The following TSPAN15 variants were observed in gnomAD, a reference collection of about 807,000 sequenced individuals.
TSPAN15 encodes the protein tetraspanin 15.
TSPAN15 carries 20 observed loss-of-function variants against 34.5 expected under a neutral mutation model. The observed-to-expected ratio is 0.58, with a 90% CI of 0.41 to 0.84. The LOEUF (loss-of-function observed/expected upper bound fraction) is 0.84, where lower values mean the gene tolerates loss of function less well. Ranked by LOEUF, TSPAN15 falls within the 40% of genes least tolerant of loss-of-function variation. The pLI, the probability that TSPAN15 is intolerant of heterozygous loss-of-function variation, is 0.00. For missense variants in TSPAN15, 313 were observed against 386.1 expected, an observed-to-expected ratio of 0.81 and a Z score of 1.59; for synonymous variants, 155 against 153.9, an observed-to-expected ratio of 1.01 and a Z score of -0.05.
chr10:69,494,073 G>A (rs1589648119), intron 3 of TSPAN15, among the ~76,000 whole-genome samples: 1 of 152,194 alleles, frequency 6.6e-6, no homozygotes, highest in Non-Finnish European at 1.5e-5. Context: ...GTGTCAGGCT[G>A]GGAGTTTGAC....
At chr10:69,486,793 C>A (rs1334348994) in intron 3 of TSPAN15, among the ~76,000 whole-genome samples, 1 of 152,234 alleles carries the variant, frequency 6.6e-6, no homozygotes, top group African/African-American at 2.4e-5. Flanking sequence ...TGGGACCTAA[C>A]CACAGGCAAG....
the TSPAN15 span, among the ~76,000 whole-genome samples, chr10:69,543,710 C>T: frequency 1.3e-5 from 2 of 151,880 alleles, no homozygotes; most frequent in African/African-American, 4.8e-5. Flanking sequence ...GGCGGTGGTC[C>T]GGAATGGATG....
chr10:69,485,008 G>C (rs1383403107), intron 2 of TSPAN15, 133 bp from the exon 3 acceptor site: 1 of 823,982 alleles, frequency 1.2e-6, no homozygotes, highest in African/African-American at 1.7e-5. Flanking sequence ...GGGGGCAGAG[G>C]CCTAGGAGCT....
chr10:69,461,743 T>TC (rs1841262648), intron 1 of TSPAN15, among the ~76,000 whole-genome samples: 1 of 139,314 alleles, frequency 7.2e-6, no homozygotes, highest in Admixed American at 7.3e-5. Context: ...ATTGGGACCA[T>TC]CCCCTGGGTG....
the TSPAN15 span, among the ~76,000 whole-genome samples, chr10:69,532,544 G>A: frequency 6.6e-6 from 1 of 152,160 alleles, no homozygotes; most frequent in African/African-American, 2.4e-5. Flanking sequence ...ATGGATTAAG[G>A]ATTTAAATCT....
chr10:69,525,951 C>G, the TSPAN15 span, among the ~76,000 whole-genome samples: 1 of 146,428 alleles, frequency 6.8e-6, no homozygotes, highest in African/African-American at 2.5e-5. Flanking sequence ...AGACAAGACA[C>G]TATAGGGAAT....
At chr10:69,487,763 C>T (rs962731961) in intron 3 of TSPAN15, among the ~76,000 whole-genome samples, 11 of 152,194 alleles carry the variant, frequency 7.2e-5, no homozygotes, top group African/African-American at 1.2e-4. Context: ...CTTTGGCTGG[C>T]GGAACATCCA....
At chr10:69,509,260 C>A (rs1165878706), downstream of TSPAN15, among the ~76,000 whole-genome samples, 1 of 135,464 alleles carries the variant, frequency 7.4e-6, no homozygotes, top group Non-Finnish European at 1.6e-5. Context: ...CGCTGGCCAG[C>A]TGCTTATGTG....
the TSPAN15 span, among the ~76,000 whole-genome samples, chr10:69,539,961 C>CTTT: frequency 3.4e-5 from 5 of 146,784 alleles, no homozygotes; most frequent in Non-Finnish European, 4.5e-5. Flanking sequence ...AAAATGTAGT[C>CTTT]TTTTTTTTTT....
chr10:69,520,224 A>C, the TSPAN15 span, among the ~76,000 whole-genome samples: 1 of 152,110 alleles, frequency 6.6e-6, no homozygotes, highest in African/African-American at 2.4e-5. Flanking sequence ...TGTCTCTATG[A>C]ATTTGCCTTT....
the TSPAN15 span, among the ~76,000 whole-genome samples, chr10:69,526,793 A>C: frequency 6.9e-6 from 1 of 145,092 alleles, no homozygotes; most frequent in Admixed American, 7.2e-5. Flanking sequence ...TCTCAAAAAA[A>C]AAAAAAAAAA....
the TSPAN15 span, among the ~76,000 whole-genome samples, chr10:69,549,256 A>G: frequency 2.6e-5 from 4 of 152,194 alleles, no homozygotes; most frequent in Admixed American, 6.5e-5. Context: ...TACTTTATCT[A>G]CTGTTATCAT....
intron 3 of TSPAN15, 86 bp from the exon 4 acceptor site, chr10:69,495,508 T>C: frequency 1.0e-6 from 1 of 981,982 alleles, no homozygotes; most frequent in Non-Finnish European, 1.6e-6. Context: ...CAAGGCATTC[T>C]CTACCCATCC....
chr10:69,502,142 AC>A (rs1288264098), intron 5 of TSPAN15, among the ~76,000 whole-genome samples: 1 of 152,170 alleles, frequency 6.6e-6, no homozygotes, highest in African/African-American at 2.4e-5. Flanking sequence ...AGCAGAACAT[AC>A]CAGTTCTTCA....
At chr10:69,528,946 C>T in the TSPAN15 span, among the ~76,000 whole-genome samples, 1 of 148,074 alleles carries the variant, frequency 6.8e-6, no homozygotes, top group Non-Finnish European at 1.5e-5. Context: ...CACTCCAGTC[C>T]GTGGGACCGG....
At chr10:69,539,539 GAGAAGGAGA>G in the TSPAN15 span, among the ~76,000 whole-genome samples, 6 of 42,724 alleles carry the variant, frequency 1.4e-4, 1 homozygote, top group African/African-American at 2.6e-4. Context: ...GAAGAAGAAG[GAGAAGGAGA>G]AGGAGAAGGA....
At chr10:69,486,073 C>T (rs1166603585) in intron 3 of TSPAN15, among the ~76,000 whole-genome samples, 2 of 152,174 alleles carry the variant, frequency 1.3e-5, no homozygotes, top group Non-Finnish European at 2.9e-5. Flanking sequence ...GGGCGAGTTA[C>T]TTGGCCTCTT....
At chr10:69,497,575 A>G (rs79802206) in intron 4 of TSPAN15, among the ~76,000 whole-genome samples, 17,031 of 152,018 alleles carry the variant, frequency 0.11, 1,042 homozygotes, top group South Asian at 0.13. Context: ...CTCCATTTCC[A>G]GGTTGCACAG....
chr10:69,539,624 A>G, the TSPAN15 span, among the ~76,000 whole-genome samples: 1 of 152,148 alleles, frequency 6.6e-6, no homozygotes, highest in Non-Finnish European at 1.5e-5. Flanking sequence ...AAGGAAAAGG[A>G]ACAGGGCTCC....
Sources: allele counts gnomAD v4.1 joint callset (sites outside exome capture counted in the v4.1 genomes callset), GRCh38; gene constraint gnomAD v4.1.1; transcripts MANE v1.5; gene names NCBI Gene and HGNC (gene_info 2026-07-23, HGNC 2026-07-21).